The following PLEKHA8 variants were observed in gnomAD, a reference collection of about 807,000 sequenced individuals.
PLEKHA8 encodes pleckstrin homology domain-containing family A member 8.
PLEKHA8 carries 36 observed loss-of-function variants against 68.2 expected under a neutral mutation model. The observed-to-expected ratio is 0.53, with a 90% CI of 0.40 to 0.70. PLEKHA8 has a LOEUF of 0.70. Ranked by LOEUF, PLEKHA8 falls within the 30% of genes least tolerant of loss-of-function variation. PLEKHA8 has a pLI of 0.00. For missense variants in PLEKHA8, 505 were observed against 615.4 expected, an observed-to-expected ratio of 0.82 and a Z score of 1.90; for synonymous variants, 211 against 216.1, an observed-to-expected ratio of 0.98 and a Z score of 0.20.
chr7:30,052,681 G>C, intron 6 of PLEKHA8, 28 bp from the exon 7 acceptor site: 1 of 1,508,458 alleles, frequency 6.6e-7, no homozygotes, highest in Non-Finnish European at 8.8e-7. Context: ...CGACCTTCTG[G>C]CTTTTTTTCC....
Position 30,062,682 on chromosome 7 carries a change from T to G in PLEKHA8, c.1240T>G (p.Phe414Val), listed in dbSNP as rs770473433. The change falls in exon 12 of 14, where the codon TTT becomes GTT. Residue 414 changes from phenylalanine (F) to valine (V), a missense_variant. Phe to Val is a conservative substitution (Grantham distance 50). Transcript: ENST00000449726. Reference protein sequence around the residue: ...ALLWLKRGLKFLKGFLTEVKN... With the variant: ...ALLWLKRGLKVLKGFLTEVKN... ...TTTATTTTGTTTTAGAGGTCTCAAA[T>G]TTTTGAAGGGATTTTTGACAGAAGT... 1 of 1,612,236 alleles carries G rather than the reference T, an allele frequency of 6.2e-7. No homozygotes were observed. The highest frequency in any genetic ancestry group is 8.5e-7 in the Non-Finnish European group (1 of 1,178,368).
chr7:30,055,165 A>G, intron 8 of PLEKHA8, 92 bp from the exon 9 acceptor site: 1 of 1,129,520 alleles, frequency 8.9e-7, no homozygotes. Flanking sequence ...TGCCCTACAG[A>G]GAGGCAGCTG....
intron 12 of PLEKHA8, 30 bp from the exon 13 acceptor site, chr7:30,074,041 G>C: frequency 6.4e-7 from 1 of 1,567,254 alleles, no homozygotes; most frequent in South Asian, 1.1e-5. Context: ...TGATGAAAGT[G>C]TTCCTCATGG....
intron 13 of PLEKHA8, among the ~76,000 whole-genome samples, chr7:30,098,632 A>C (rs550330497): frequency 1.3e-5 from 2 of 152,364 alleles, no homozygotes; most frequent in South Asian, 2.1e-4. Flanking sequence ...CCTCCAAGCC[A>C]GGTGCGGGAT....
At chr7:30,048,458 A>T (rs1262340528) in intron 4 of PLEKHA8, among the ~76,000 whole-genome samples, 1 of 152,242 alleles carries the variant, frequency 6.6e-6, no homozygotes, top group Non-Finnish European at 1.5e-5. Context: ...GGAATAGACT[A>T]GTGCTTTCAA....
Position 30,045,211 on chromosome 7 carries a change from C to G in PLEKHA8, c.157+10C>G, listed in dbSNP as rs997789068. ...GTCTGTGAAATTCAAGGTGAGAAAT[C>G]AAGCAACTTGCAAGTTTTATTTTTC... is the stretch of plus-strand genomic sequence containing the variant. On this transcript the variant is annotated intron_variant, in intron 2 of 13. Coordinates refer to ENST00000449726, the MANE Select transcript of PLEKHA8 (RefSeq NM_001197026.2). 1.4e-5 allele frequency: 22 copies of G among 1,566,224 alleles called. No individual in the cohort carries two copies. Among genetic ancestry groups the G allele is most frequent in the Non-Finnish European group, 1.7e-5 (20 of 1,148,560 alleles).
intron 9 of PLEKHA8, among the ~76,000 whole-genome samples, chr7:30,056,703 T>C (rs1583827916): frequency 8.3e-6 from 1 of 120,588 alleles, no homozygotes; most frequent in African/African-American, 3.2e-5. Context: ...CACTCCAGCC[T>C]GGATGACAGA....
intron 13 of PLEKHA8, among the ~76,000 whole-genome samples, chr7:30,077,676 C>G (rs534201688): frequency 3.0e-4 from 45 of 152,276 alleles, no homozygotes; most frequent in Middle Eastern, 3.4e-3. Context: ...ATGCCAGTCA[C>G]TCTCTTACTG....
At chr7:30,058,907 G>A (rs989023757) in intron 9 of PLEKHA8, among the ~76,000 whole-genome samples, 1 of 152,150 alleles carries the variant, frequency 6.6e-6, no homozygotes, top group East Asian at 1.9e-4. Flanking sequence ...CAGGAGGATC[G>A]CTTGAAACCA....
intron 12 of PLEKHA8, among the ~76,000 whole-genome samples, chr7:30,064,838 C>G (rs1793709154): frequency 6.6e-6 from 1 of 152,116 alleles, no homozygotes; most frequent in Admixed American, 6.6e-5. Context: ...ACTGTGTGCC[C>G]AGTGGACTCC....
At chr7:30,060,994 C>G (rs368039853) in intron 10 of PLEKHA8, 52 bp downstream of exon 10, 21 of 1,534,414 alleles carry the variant, frequency 1.4e-5, no homozygotes, top group Non-Finnish European at 1.9e-5. Flanking sequence ...GGAAAATGTT[C>G]TCAACATTTT....
At chr7:30,122,241 A>C (rs1455913426) in intron 13 of PLEKHA8, among the ~76,000 whole-genome samples, 4 of 152,132 alleles carry the variant, frequency 2.6e-5, no homozygotes, top group African/African-American at 9.7e-5. Context: ...CTATATATGG[A>C]TCTCTTGGTG....
Position 30,047,817 on chromosome 7 carries a change from C to T in PLEKHA8, c.314-15C>T, listed in dbSNP as rs1379763919. 3 of 1,606,628 alleles carry T rather than the reference C, an allele frequency of 1.9e-6. No individual in the cohort carries two copies. Among genetic ancestry groups the T allele is most frequent in the Non-Finnish European group, 2.6e-6 (3 of 1,175,900 alleles). Reference sequence around the variant, plus strand: ...TTTGTTCTGGTTACTGCATTATCATCATTTTGTCATTTAGAGTTTGCTGAA... The same window carrying T: ...TTTGTTCTGGTTACTGCATTATCATTATTTTGTCATTTAGAGTTTGCTGAA... On this transcript the variant is annotated splice_polypyrimidine_tract_variant and intron_variant, in intron 3 of 13. Coordinates refer to ENST00000449726, the MANE Select transcript of PLEKHA8 (RefSeq NM_001197026.2).
chr7:30,078,883 C>T lies in PLEKHA8; in HGVS notation c.*96C>T. 2.0e-6 allele frequency: 3 copies of T among 1,477,982 alleles called. No homozygotes were observed. Among genetic ancestry groups the T allele is most frequent in the Admixed American group, 5.2e-5 (2 of 38,640 alleles). 91.6% of individuals were successfully genotyped at this position (1,477,982 alleles called of 1,614,324 possible). A position where few individuals can be genotyped will look rare whatever the true frequency, so the allele number is the denominator to read the frequency against. On this transcript the variant is annotated 3_prime_UTR_variant, in exon 14 of 14. Coordinates refer to ENST00000449726, the MANE Select transcript of PLEKHA8 (RefSeq NM_001197026.2). ...CAGCAACAGCCTCAACCCTCTCCAA[C>T]CCCTTCACCTGGGGGGATGGACAGG...
At chr7:30,062,402 A>C (rs188470828) in intron 11 of PLEKHA8, among the ~76,000 whole-genome samples, 2 of 152,312 alleles carry the variant, frequency 1.3e-5, no homozygotes, top group Admixed American at 1.3e-4. Flanking sequence ...CATTTCTAGC[A>C]AATTCCCAGG....
chr7:30,116,137 T>C (rs531149986), intron 13 of PLEKHA8: 2 of 151,682 alleles, frequency 1.3e-5, no homozygotes, highest in African/African-American at 4.8e-5. Context: ...TATACATATG[T>C]ATACATACGC....
chr7:30,031,526 G>A (rs983606922), intron 1 of PLEKHA8, among the ~76,000 whole-genome samples: 2 of 152,180 alleles, frequency 1.3e-5, no homozygotes, highest in Admixed American at 6.5e-5. Context: ...GCTGAGAGCT[G>A]AGGAGAGTGA....
downstream of PLEKHA8, among the ~76,000 whole-genome samples, chr7:30,087,423 C>T (rs1265743334): frequency 6.6e-6 from 1 of 152,220 alleles, no homozygotes; most frequent in Non-Finnish European, 1.5e-5. Flanking sequence ...CACCTGCCTA[C>T]TGACCATCCC....
rs1790771428 is a variant in PLEKHA8, at chr7:30,032,880, T to TGC, written c.40+4079_40+4080dup. Among the ~76,000 whole-genome samples the TGC allele has an allele frequency of 2.0e-5, 3 of 152,242 alleles. No individual in the cohort carries two copies. In the South Asian group the frequency reaches 6.2e-4, roughly 32 times the overall value. On this transcript the variant is annotated intron_variant, in intron 1 of 13. Coordinates refer to ENST00000449726, the MANE Select transcript of PLEKHA8 (RefSeq NM_001197026.2). ...ACTCCAGCCAGCCGAAGGCTGCTTG[T>TGC]GCCTCTCCAGCAGGTTAAAGCTCAA...
Sources: gnomAD v4.1 joint callset for allele counts (sites outside exome capture counted in the v4.1 genomes callset) on GRCh38, gnomAD v4.1.1 for gene constraint, MANE v1.5 for transcripts, NCBI Gene and HGNC (gene_info 2026-07-23, HGNC 2026-07-21) for gene names.